Variants in DAD1 observed in about 807,000 individuals in gnomAD.
The protein encoded by DAD1 is dolichyl-diphosphooligosaccharide--protein glycosyltransferase subunit DAD1.
Under a neutral mutation model 9.0 loss-of-function variants are expected in DAD1, and 4 were observed. The ratio of observed to expected loss-of-function variants is 0.44; its 90% CI spans 0.22 to 1.01. The LOEUF (loss-of-function observed/expected upper bound fraction) is 1.01. Ranked by LOEUF, DAD1 falls within the 50% of genes least tolerant of loss-of-function variation. The probability of loss-of-function intolerance (pLI) is 0.24; values close to 1 mark genes in which losing one functional copy is unlikely to be tolerated. For missense variants in DAD1, 119 were observed against 137.3 expected (o/e 0.87, Z 0.67); for synonymous variants, 60 against 62.5 (o/e 0.96, Z 0.19).
chr14:22,586,881 G>A (rs144214453), intron 1 of DAD1, among the ~76,000 whole-genome samples: 3 of 152,274 alleles, frequency 2.0e-5, no homozygotes, highest in African/African-American at 7.2e-5. Context: ...TGGCAACTAA[G>A]AATTATCATG....
intron 1 of DAD1, among the ~76,000 whole-genome samples, chr14:22,581,570 C>A (rs1469223014): frequency 6.8e-6 from 1 of 146,304 alleles, no homozygotes; most frequent in Non-Finnish European, 1.5e-5. Flanking sequence ...GGAGAAACCC[C>A]GTCTCTACTA....
intron 1 of DAD1, among the ~76,000 whole-genome samples, chr14:22,587,283 G>C (rs551197517): frequency 2.8e-4 from 43 of 152,274 alleles, no homozygotes; most frequent in Non-Finnish European, 4.4e-4. Flanking sequence ...CATGGAGAAG[G>C]CATCTTTTTT....
chr14:22,573,978 A>T (rs148096608), intron 2 of DAD1, among the ~76,000 whole-genome samples: 38 of 152,340 alleles, frequency 2.5e-4, no homozygotes, highest in African/African-American at 9.1e-4. Flanking sequence ...TGGTTAGTAT[A>T]AAAATGACAG....
At chr14:22,566,686 G>A (rs5742858) in intron 2 of DAD1, among the ~76,000 whole-genome samples, 16,047 of 152,156 alleles carry the variant, frequency 0.11, 866 homozygotes, top group South Asian at 0.17. Context: ...CATTTTCAGT[G>A]AACAAAGCCT....
chr14:22,575,004 C>A, intron 2 of DAD1, 55 bp downstream of exon 2: 1 of 1,467,516 alleles, frequency 6.8e-7, no homozygotes, highest in East Asian at 2.3e-5. Flanking sequence ...CAGTCCCATC[C>A]AATTTCTCTT....
intron 1 of DAD1, among the ~76,000 whole-genome samples, chr14:22,583,355 GGA>G (rs1491262768): frequency 6.6e-6 from 1 of 150,706 alleles, no homozygotes; most frequent in Non-Finnish European, 1.5e-5. Context: ...AGAACAAGCA[GGA>G]GAGTGTTGTA....
At chr14:22,567,957 CTGA>C (rs2037012416) in intron 2 of DAD1, among the ~76,000 whole-genome samples, 2 of 152,044 alleles carry the variant, frequency 1.3e-5, no homozygotes, top group South Asian at 4.1e-4. Context: ...TCTGATGGCT[CTGA>C]TGAAAATTTA....
In DAD1 at chr14:22,568,614, CAGAG is replaced by C. The variant is rs76457261; in HGVS notation, c.*45-3481_*45-3478del. Among the ~76,000 whole-genome samples the C allele has an allele frequency of 5.3e-3, 799 of 151,958 alleles. 2 individuals carry two copies. Among genetic ancestry groups the C allele is most frequent in the African/African-American group, 0.018 (762 of 41,418 alleles). On this transcript the variant is annotated intron_variant, in intron 2 of 2. Coordinates refer to ENST00000250498, the MANE Select transcript of DAD1 (RefSeq NM_001344.4). ...CAGACCAATCCTCTCACAACACAGA[CAGAG>C]AAACTGAGGCTCAGAGGTAAGTTTA...
At chr14:22,565,900 G>A (rs747784238) in intron 2 of DAD1, among the ~76,000 whole-genome samples, 3 of 152,174 alleles carry the variant, frequency 2.0e-5, no homozygotes, top group Non-Finnish European at 4.4e-5. Flanking sequence ...ATAAGCAACT[G>A]ATTTTCCCAG....
intron 1 of DAD1, among the ~76,000 whole-genome samples, 188 bp downstream of exon 1, chr14:22,588,759 C>T (rs950063622): frequency 1.3e-5 from 2 of 152,154 alleles, no homozygotes; most frequent in African/African-American, 4.8e-5. Context: ...CCAACTCCTA[C>T]GGAGCCGTTT....
chr14:22,571,940 G>A (rs1330282062), intron 2 of DAD1, among the ~76,000 whole-genome samples: 2 of 152,098 alleles, frequency 1.3e-5, no homozygotes, highest in Non-Finnish European at 2.9e-5. Flanking sequence ...ATCCTAGCCA[G>A]GCTCTCTCAA....
chr14:22,566,347 T>G (rs2037001909), intron 2 of DAD1, among the ~76,000 whole-genome samples: 1 of 152,028 alleles, frequency 6.6e-6, no homozygotes, highest in African/African-American at 2.4e-5. Context: ...GCTTTTTTTT[T>G]TTTCAAGACA....
At chr14:22,565,234 G>A (rs1390679438) in intron 2 of DAD1, 97 bp from the exon 3 acceptor site, 2 of 666,564 alleles carry the variant, frequency 3.0e-6, no homozygotes, top group East Asian at 2.7e-5. Context: ...ACAGTTATGG[G>A]GTTCCCACAC....
At chr14:22,579,145 C>T (rs1329785923) in intron 1 of DAD1, among the ~76,000 whole-genome samples, 5 of 151,578 alleles carry the variant, frequency 3.3e-5, no homozygotes, top group African/African-American at 1.2e-4. Flanking sequence ...AGGCAGAAGA[C>T]CTAAGAGAGA....
At chr14:22,582,719 C>T (rs1167995970) in intron 1 of DAD1, among the ~76,000 whole-genome samples, 1 of 151,788 alleles carries the variant, frequency 6.6e-6, no homozygotes, top group African/African-American at 2.4e-5. Context: ...TTTAAAAACA[C>T]AACCGGCCGG....
intron 2 of DAD1, among the ~76,000 whole-genome samples, chr14:22,571,779 GC>G: frequency 6.6e-6 from 1 of 151,988 alleles, no homozygotes; most frequent in Non-Finnish European, 1.5e-5. Flanking sequence ...ACAGGCACCG[GC>G]CACCACGCCC....
At chr14:22,569,156 C>A (rs1050249994) in intron 2 of DAD1, among the ~76,000 whole-genome samples, 14 of 152,124 alleles carry the variant, frequency 9.2e-5, no homozygotes, top group African/African-American at 3.4e-4. Context: ...TTTATTTGGC[C>A]GGGCACAGTG....
chr14:22,566,736 C>T lies in DAD1; in HGVS notation c.*45-1599G>A, dbSNP rs140818728. 9.8e-4 allele frequency among the ~76,000 whole-genome samples: 149 copies of T among 152,248 alleles called. No homozygotes were observed. The East Asian group carries it at 0.02, about 20-fold the overall frequency. On this transcript the variant is annotated intron_variant, in intron 2 of 2. Transcript: ENST00000250498. ...ATATAAAAGAAATCCTAGTTTAGTA[C>T]AAAATCAAAGTTTAAAGATTTTATT...
At chr14:22,575,269 T>G (rs769765179) in intron 1 of DAD1, 36 bp from the exon 2 acceptor site, 25 of 1,606,872 alleles carry the variant, frequency 1.6e-5, no homozygotes, top group Admixed American at 1.7e-5. Context: ...AATGATTATA[T>G]AGAAGTATAA....
Sources: allele counts gnomAD v4.1 joint callset (sites outside exome capture counted in the v4.1 genomes callset), GRCh38; gene constraint gnomAD v4.1.1; transcripts MANE v1.5; gene names NCBI Gene and HGNC (gene_info 2026-07-23, HGNC 2026-07-21).